PTPRD: variants seen among roughly 807,000 people sequenced by gnomAD.
PTPRD encodes receptor-type tyrosine-protein phosphatase delta.
In PTPRD, 34 loss-of-function variants were observed where a neutral mutation model predicts 214.5. That is an observed-to-expected ratio of 0.16 (90% CI 0.12 to 0.21). The LOEUF (loss-of-function observed/expected upper bound fraction) is 0.21, where lower values mean the gene tolerates loss of function less well. Ranked by LOEUF, PTPRD falls within the 10% of genes least tolerant of loss-of-function variation. PTPRD has a pLI of 1.00. For synonymous variants in PTPRD, 1,128 were observed against 845.7 expected (o/e 1.33, Z -5.79); for missense variants, 2,545 against 2,398.7 (o/e 1.06, Z -1.27).
At chr9:9,993,636 A>G (rs1194231417) in intron 4 of PTPRD, among the ~76,000 whole-genome samples, 1 of 152,200 alleles carries the variant, frequency 6.6e-6, no homozygotes, top group African/African-American at 2.4e-5. Context: ...AACTTTGGAG[A>G]GGAAGCAGGG....
At chr9:9,673,736 C>T (rs2096874995) in intron 7 of PTPRD, among the ~76,000 whole-genome samples, 1 of 150,448 alleles carries the variant, frequency 6.6e-6, no homozygotes, top group African/African-American at 2.4e-5. Context: ...AAAAGCATAC[C>T]TGGATACACT....
At position 8,315,474 on chromosome 9, in the gene PTPRD, T is replaced by C. The variant is rs1039878794; in HGVS notation, c.*2400A>G. The C allele has an allele frequency of 3.0e-5, 7 of 232,076 alleles. No individual in the cohort carries two copies. Among genetic ancestry groups the C allele is most frequent in the Non-Finnish European group, 6.0e-5 (7 of 117,116 alleles). 14.4% of individuals were successfully genotyped at this position (232,076 alleles called of 1,614,324 possible). ...CCTTTGTTTAACTAAAAGAAAATTA[T>C]AGCACTGAGTAATCTGGCACTTGGA... On this transcript the variant is annotated 3_prime_UTR_variant, in exon 46 of 46. Coordinates refer to ENST00000381196, the MANE Select transcript of PTPRD (RefSeq NM_002839.4).
intron 9 of PTPRD, among the ~76,000 whole-genome samples, chr9:9,232,210 T>G (rs1425896172): frequency 1.3e-5 from 2 of 152,136 alleles, no homozygotes; most frequent in Non-Finnish European, 2.9e-5. Flanking sequence ...TTTAAACTAC[T>G]GAAAGGAGGT....
intron 3 of PTPRD, among the ~76,000 whole-genome samples, chr9:10,274,728 A>C (rs2154385170): frequency 6.6e-6 from 1 of 152,250 alleles, no homozygotes. Context: ...AATAAAGAAA[A>C]GCTATTCCAT....
At position 9,999,640 on chromosome 9, in the gene PTPRD, A is replaced by G. The variant is rs554205644; in HGVS notation, c.-472+34078T>C. On this transcript the variant is annotated intron_variant, in intron 4 of 45. Coordinates refer to ENST00000381196, the MANE Select transcript of PTPRD (RefSeq NM_002839.4). ...ACGCTACTATTTGCAATAGAACTAT[A>G]CACTATGACACCCACGATGTGGAAT... Among the ~76,000 whole-genome samples, 29 of 152,330 alleles carry G rather than the reference A, an allele frequency of 1.9e-4. No homozygotes were observed. The South Asian group carries it at 6.0e-3, about 32-fold the overall frequency.
intron 10 of PTPRD, among the ~76,000 whole-genome samples, chr9:9,037,714 T>C (rs925448734): frequency 3.3e-5 from 5 of 152,130 alleles, no homozygotes; most frequent in Non-Finnish European, 7.4e-5. Flanking sequence ...CCAGCAAAAA[T>C]GGCCACAGGG....
At chr9:9,675,172 G>A (rs938237899) in intron 7 of PTPRD, among the ~76,000 whole-genome samples, 4 of 151,874 alleles carry the variant, frequency 2.6e-5, no homozygotes, top group Admixed American at 1.3e-4. Context: ...ATCTGTATAC[G>A]TTTAAATACT....
chr9:9,277,427 T>A (rs1162536576), intron 9 of PTPRD, among the ~76,000 whole-genome samples: 2 of 151,370 alleles, frequency 1.3e-5, no homozygotes, highest in Non-Finnish European at 3.0e-5. Flanking sequence ...ATCACAATTT[T>A]TTCCGTTGAA....
intron 8 of PTPRD, among the ~76,000 whole-genome samples, chr9:9,467,588 C>CAAAAAAAAAAAAA (rs1176159031): frequency 0.095 from 5,315 of 55,766 alleles, 1,112 homozygotes; most frequent in East Asian, 0.16. Flanking sequence ...CTCCATCTCC[C>CAAAAAAAAAAAAA]AAAAAAAAAA....
rs561222242 is a variant in PTPRD at position 8,557,762 on chromosome 9, A to G, written c.353-28983T>C. On this transcript the variant is annotated intron_variant, in intron 14 of 45. Coordinates refer to ENST00000381196, the MANE Select transcript of PTPRD (RefSeq NM_002839.4). ...TCTCTCAATAAAAAAAAAAAAAAAAAAAAAAGAAAAACAAAATACACACAC... is the reference window on the plus strand; with the variant it reads ...TCTCTCAATAAAAAAAAAAAAAAAAGAAAAAGAAAAACAAAATACACACAC... Among the ~76,000 whole-genome samples the G allele has an allele frequency of 5.5e-4, 74 of 134,078 alleles. No individual in the cohort carries two copies. In the East Asian group the frequency reaches 9.9e-3, roughly 18 times the overall value. 88.0% of individuals were successfully genotyped at this position (134,078 alleles called of 152,430 possible). A position where few individuals can be genotyped will look rare whatever the true frequency, so the allele number is the denominator to read the frequency against.
At position 8,317,419 on chromosome 9, in the gene PTPRD, A is replaced by C. The variant is rs1470857617; in HGVS notation, c.*455T>G. The C allele has an allele frequency of 8.6e-6, 2 of 233,276 alleles. No individual in the cohort carries two copies. The highest frequency in any genetic ancestry group is 4.4e-5 in the African/African-American group (2 of 45,236). The allele number at this position is 233,276 out of a possible 1,614,324, so 14.5% of individuals were successfully genotyped here. ...TAAACATTCCCTCCCCTTTCCCCCT[A>C]AAATGTTATTATGAGCAGTATGGTG... On this transcript the variant is annotated 3_prime_UTR_variant, in exon 46 of 46. Transcript: ENST00000381196.
chr9:10,016,338 G>A, intron 4 of PTPRD, among the ~76,000 whole-genome samples: 1 of 148,662 alleles, frequency 6.7e-6, no homozygotes, highest in East Asian at 2.0e-4. Context: ...CCAGGGAAAT[G>A]AGATAGATGA....
intron 39 of PTPRD, among the ~76,000 whole-genome samples, chr9:8,343,471 T>C (rs964191310): frequency 1.3e-4 from 19 of 151,926 alleles, no homozygotes; most frequent in Non-Finnish European, 2.8e-4. Flanking sequence ...ATGCAAACAT[T>C]AATATAGAGC....
At chr9:9,108,508 C>G (rs1158876472) in intron 10 of PTPRD, among the ~76,000 whole-genome samples, 2 of 152,136 alleles carry the variant, frequency 1.3e-5, no homozygotes, top group Admixed American at 1.3e-4. Context: ...GGTTGAGGGA[C>G]TCTCCAGGTT....
chr9:9,793,347 T>G (rs777174813), intron 5 of PTPRD, among the ~76,000 whole-genome samples: 4 of 152,120 alleles, frequency 2.6e-5, no homozygotes, highest in Non-Finnish European at 4.4e-5. Context: ...GACATAATCT[T>G]TTTTCATATC....
chr9:8,699,415 T>C (rs2098018908), intron 12 of PTPRD, among the ~76,000 whole-genome samples: 1 of 152,234 alleles, frequency 6.6e-6, no homozygotes, highest in Non-Finnish European at 1.5e-5. Context: ...TTTTTCATGA[T>C]AAGCATTTGA....
intron 8 of PTPRD, among the ~76,000 whole-genome samples, chr9:9,486,141 ACT>A (rs1329889996): frequency 5.6e-4 from 61 of 108,708 alleles, no homozygotes; most frequent in Non-Finnish European, 1.0e-3. Flanking sequence ...ACAGAGCAAG[ACT>A]CTCTCTCAAA....
At chr9:9,302,194 T>C (rs1196630483) in intron 9 of PTPRD, among the ~76,000 whole-genome samples, 1 of 151,956 alleles carries the variant, frequency 6.6e-6, no homozygotes, top group African/African-American at 2.4e-5. Context: ...AATTTCTTCT[T>C]TTTTTAAATT....
chr9:8,837,207 G>A (rs2097448715), intron 11 of PTPRD, among the ~76,000 whole-genome samples: 1 of 151,648 alleles, frequency 6.6e-6, no homozygotes, highest in South Asian at 2.1e-4. Flanking sequence ...TAGAGACAGA[G>A]TTTCATTATG....
Sources: allele counts gnomAD v4.1 joint callset (sites outside exome capture counted in the v4.1 genomes callset), GRCh38; gene constraint gnomAD v4.1.1; transcripts MANE v1.5; gene names NCBI Gene and HGNC (gene_info 2026-07-23, HGNC 2026-07-21).